The following TUSC3 variants were observed in gnomAD, a reference collection of about 807,000 sequenced individuals.
The protein encoded by TUSC3 is tumor suppressor candidate 3, also known as dolichyl-diphosphooligosaccharide--protein glycosyltransferase subunit TUSC3.
Under a neutral mutation model 44.8 loss-of-function variants are expected in TUSC3, and 45 were observed. The observed-to-expected ratio is 1.00, with a 90% CI of 0.79 to 1.29. The LOEUF (loss-of-function observed/expected upper bound fraction) is 1.29. Ranked by LOEUF, TUSC3 falls within the 50% of genes most tolerant of loss-of-function variation. The probability of loss-of-function intolerance (pLI) is 0.00; values close to 1 mark genes in which losing one functional copy is unlikely to be tolerated. For missense variants in TUSC3, 519 were observed against 437.9 expected (o/e 1.19, Z -1.65); for synonymous variants, 212 against 152.9 (o/e 1.39, Z -2.85).
At chr8:15,597,906 A>G (rs962812264) in intron 1 of TUSC3, among the ~76,000 whole-genome samples, 3 of 152,052 alleles carry the variant, frequency 2.0e-5, no homozygotes, top group African/African-American at 7.2e-5. Context: ...TTAATTTTAG[A>G]TAATAGTATA....
chr8:15,468,420 T>C (rs1034726155), intron 1 of TUSC3, among the ~76,000 whole-genome samples: 3 of 152,152 alleles, frequency 2.0e-5, no homozygotes, highest in African/African-American at 7.2e-5. Flanking sequence ...ACATTCAACA[T>C]AGCCATGAGC....
the TUSC3 span, among the ~76,000 whole-genome samples, chr8:15,848,829 CAAG>C: frequency 1.3e-5 from 2 of 152,196 alleles, no homozygotes; most frequent in African/African-American, 4.8e-5. Context: ...TTCCTTAAAA[CAAG>C]GAGGTTGAAT....
At chr8:15,506,480 T>C (rs1801051714) in intron 2 of TUSC3, among the ~76,000 whole-genome samples, 1 of 152,178 alleles carries the variant, frequency 6.6e-6, no homozygotes, top group Non-Finnish European at 1.5e-5. Flanking sequence ...CTCATTTTCA[T>C]GCTGTTATGA....
At position 15,540,377 on chromosome 8, in the gene TUSC3, T is replaced by C; in HGVS notation, c.-54T>C. On this transcript the variant is annotated 5_prime_UTR_variant, in exon 1 of 11. Coordinates refer to ENST00000503731, the MANE Select transcript of TUSC3 (RefSeq NM_006765.4). ...CTGGCCGGGCAGGCGTGGTGCGCGG[T>C]AGGAGCTGGGCGCGCACGGCTACCG... 1 of 1,476,282 alleles carries C rather than the reference T, an allele frequency of 6.8e-7. No homozygotes were observed. The highest frequency in any genetic ancestry group is 9.0e-7 in the Non-Finnish European group (1 of 1,109,266). The allele number at this position is 1,476,282 out of a possible 1,614,324, so 91.4% of individuals were successfully genotyped here.
rs763900180 is a variant in TUSC3, at chr8:15,650,693, T to C, written c.309-4T>C. On this transcript the variant is annotated splice_region_variant and splice_polypyrimidine_tract_variant and intron_variant, in intron 2 of 10. Transcript: ENST00000503731. ...TTTCTACTATGGCCCATTATTCTTA[T>C]CAGGCAAGCTAATGAAGAATATCAA... The C allele has an allele frequency of 6.2e-6, 10 of 1,612,244 alleles. No individual in the cohort carries two copies. In the Admixed American group the frequency reaches 1.0e-4, roughly 16 times the overall value.
At chr8:15,669,302 A>G (rs1807831743) in intron 5 of TUSC3, among the ~76,000 whole-genome samples, 2 of 151,810 alleles carry the variant, frequency 1.3e-5, no homozygotes, top group South Asian at 4.1e-4. Flanking sequence ...TTCCATGATG[A>G]CTAACTCTTC....
At chr8:15,705,917 G>A (rs571401651) in intron 6 of TUSC3, among the ~76,000 whole-genome samples, 22 of 152,098 alleles carry the variant, frequency 1.4e-4, no homozygotes, top group Admixed American at 1.1e-3. Context: ...GTGCTGTGAC[G>A]TAACAGAGGC....
intron 6 of TUSC3, among the ~76,000 whole-genome samples, chr8:15,726,976 C>A (rs1281253822): frequency 6.6e-6 from 1 of 152,014 alleles, no homozygotes; most frequent in Non-Finnish European, 1.5e-5. Context: ...AAATGCATTG[C>A]CCTTAGTTAA....
intron 1 of TUSC3, among the ~76,000 whole-genome samples, chr8:15,573,460 G>C (rs1802969498): frequency 6.6e-6 from 1 of 151,866 alleles, no homozygotes; most frequent in East Asian, 1.9e-4. Flanking sequence ...TGCTGCTGAA[G>C]ATAGAAGGAG....
At chr8:15,679,021 G>T (rs1808303663) in intron 6 of TUSC3, among the ~76,000 whole-genome samples, 1 of 152,146 alleles carries the variant, frequency 6.6e-6, no homozygotes, top group Non-Finnish European at 1.5e-5. Context: ...GAGCACCTAG[G>T]TTGATTTAAT....
At position 15,650,779 on chromosome 8, in the gene TUSC3, G is replaced by T. The variant is rs761579810; in HGVS notation, c.391G>T (p.Val131Leu). 3 of 1,614,122 alleles carry T rather than the reference G, an allele frequency of 1.9e-6. No individual in the cohort carries two copies. Among genetic ancestry groups the T allele is most frequent in the East Asian group, 4.5e-5 (2 of 44,864 alleles). The part of the protein sequence containing the change: ...AFCNKLFFSM[V>L]DYDEGTDVFQ... ...TTGTAACAAGCTCTTCTTCAGTATG[G>T]TGGACTATGATGAGGGGACAGACGT... Residue 131 changes from valine (V) to leucine (L), a missense_variant, in exon 3 of 11, where the codon GTG becomes TTG. Physicochemically the swap from Val to Leu is conservative, Grantham distance 32. Coordinates refer to ENST00000503731, the MANE Select transcript of TUSC3 (RefSeq NM_006765.4).
chr8:15,826,415 C>A, the TUSC3 span, among the ~76,000 whole-genome samples: 1 of 152,038 alleles, frequency 6.6e-6, no homozygotes, highest in Non-Finnish European at 1.5e-5. Flanking sequence ...ATGTTCTTTG[C>A]GGAACACATA....
chr8:15,666,127 G>A (rs951473054), intron 5 of TUSC3, among the ~76,000 whole-genome samples: 2 of 151,440 alleles, frequency 1.3e-5, no homozygotes, highest in Non-Finnish European at 3.0e-5. Context: ...ACCAAAATGA[G>A]TTAAAATTGT....
chr8:15,727,852 T>G (rs1158587987), intron 6 of TUSC3, among the ~76,000 whole-genome samples: 1 of 152,216 alleles, frequency 6.6e-6, no homozygotes, highest in Non-Finnish European at 1.5e-5. Context: ...CTTACTTGAT[T>G]TTTAGTAAAG....
chr8:15,450,839 T>C (rs1800188591), intron 1 of TUSC3, among the ~76,000 whole-genome samples: 1 of 152,164 alleles, frequency 6.6e-6, no homozygotes, highest in Non-Finnish European at 1.5e-5. Flanking sequence ...GGGGAATTCA[T>C]AGAACCTCCA....
chr8:15,741,150 T>TAC (rs397769955), intron 7 of TUSC3, among the ~76,000 whole-genome samples: 60 of 151,498 alleles, frequency 4.0e-4, no homozygotes, highest in African/African-American at 1.4e-3. Flanking sequence ...ACCGATAACA[T>TAC]GTTTGTGTAC....
chr8:15,592,786 G>T (rs1579451), intron 1 of TUSC3, among the ~76,000 whole-genome samples: 170 of 152,070 alleles, frequency 1.1e-3, no homozygotes, highest in African/African-American at 4.0e-3. Context: ...TGTAAATGTA[G>T]TAACTCAAGC....
At chr8:15,800,382 G>C in the TUSC3 span, among the ~76,000 whole-genome samples, 1 of 152,068 alleles carries the variant, frequency 6.6e-6, no homozygotes, top group African/African-American at 2.4e-5. Context: ...AGACCAGCCT[G>C]CGCAACATAG....
intron 6 of TUSC3, among the ~76,000 whole-genome samples, chr8:15,692,324 G>A (rs1188276386): frequency 7.2e-6 from 1 of 139,370 alleles, no homozygotes; most frequent in Non-Finnish European, 1.5e-5. Context: ...GTATCAGGAT[G>A]ATGCTAGCCT....
Sources: gnomAD v4.1 joint callset for allele counts (sites outside exome capture counted in the v4.1 genomes callset) on GRCh38, gnomAD v4.1.1 for gene constraint, MANE v1.5 for transcripts, NCBI Gene and HGNC (gene_info 2026-07-23, HGNC 2026-07-21) for gene names.